The following LRRC49 variants were observed in gnomAD, a reference collection of about 807,000 sequenced individuals.
The protein encoded by LRRC49 is leucine-rich repeat-containing protein 49.
LRRC49 carries 50 observed loss-of-function variants against 83.3 expected under a neutral mutation model. The observed-to-expected ratio is 0.60, with a 90% CI of 0.48 to 0.76. The LOEUF (loss-of-function observed/expected upper bound fraction) is 0.76, where lower values mean the gene tolerates loss of function less well. LRRC49 is among the 30% of genes least tolerant of loss of function. The pLI is 0.00. For missense variants in LRRC49, 704 were observed against 809.1 expected, an observed-to-expected ratio of 0.87 and a Z score of 1.58; for synonymous variants, 286 against 283.3, an observed-to-expected ratio of 1.01 and a Z score of -0.10.
intron 3 of LRRC49, among the ~76,000 whole-genome samples, chr15:70,896,828 C>T (rs1366787127): frequency 6.6e-6 from 1 of 152,116 alleles, no homozygotes; most frequent in Admixed American, 6.5e-5. Flanking sequence ...TCTGGACCTA[C>T]TTCTTGGACC....
chr15:70,942,453 CA>C, intron 8 of LRRC49, among the ~76,000 whole-genome samples: 1 of 152,186 alleles, frequency 6.6e-6, no homozygotes. Context: ...AAAGAATATT[CA>C]GAAACAAAGT....
chr15:70,860,077 C>T (rs113785880), intron 1 of LRRC49: 96 of 729,714 alleles, frequency 1.3e-4, no homozygotes, highest in African/African-American at 1.1e-3. Flanking sequence ...TCAGCCGCAC[C>T]GGCTCCACCA....
intron 3 of LRRC49, among the ~76,000 whole-genome samples, chr15:70,898,090 G>T: frequency 6.6e-6 from 1 of 152,098 alleles, no homozygotes; most frequent in East Asian, 1.9e-4. Context: ...CCATCCACCT[G>T]TCTGTCCATC....
intron 11 of LRRC49, among the ~76,000 whole-genome samples, chr15:70,992,933 C>A (rs568780275): frequency 6.6e-6 from 1 of 152,196 alleles, no homozygotes; most frequent in African/African-American, 2.4e-5. Context: ...TTTAAGTCTG[C>A]AGAGGTTTCT....
intron 2 of LRRC49, among the ~76,000 whole-genome samples, chr15:70,895,310 TTATTA>T (rs749628591): frequency 6.6e-6 from 1 of 152,172 alleles, no homozygotes; most frequent in Non-Finnish European, 1.5e-5. Flanking sequence ...ATATACAATT[TTATTA>T]TATTATAATA....
At chr15:70,888,344 T>C (rs567503682), upstream of LRRC49, among the ~76,000 whole-genome samples, 6 of 152,276 alleles carry the variant, frequency 3.9e-5, no homozygotes, top group South Asian at 2.1e-4. Flanking sequence ...CAGAATAAAG[T>C]ATGTGGAAAC....
chr15:71,017,590 A>G (rs1329915059), intron 14 of LRRC49, among the ~76,000 whole-genome samples: 3 of 152,206 alleles, frequency 2.0e-5, no homozygotes, highest in Non-Finnish European at 4.4e-5. Context: ...AGAAATATGA[A>G]TAGCCAGAAA....
chr15:70,863,460 A>G (rs1021632881), intron 1 of LRRC49, among the ~76,000 whole-genome samples: 1 of 152,248 alleles, frequency 6.6e-6, no homozygotes, highest in African/African-American at 2.4e-5. Flanking sequence ...GTCTAATAGA[A>G]GACAGACAAA....
At chr15:70,970,414 A>G (rs1567076149) in intron 9 of LRRC49, among the ~76,000 whole-genome samples, 1 of 152,172 alleles carries the variant, frequency 6.6e-6, no homozygotes, top group Non-Finnish European at 1.5e-5. Context: ...ATTGATGTTC[A>G]TCAGGGATAC....
chr15:70,884,679 C>G (rs944631789), intron 2 of LRRC49, among the ~76,000 whole-genome samples: 8 of 152,040 alleles, frequency 5.3e-5, no homozygotes, highest in Non-Finnish European at 7.4e-5. Flanking sequence ...TACTTCTAAG[C>G]CAAGCATTGT....
intron 12 of LRRC49, among the ~76,000 whole-genome samples, chr15:71,008,910 C>T (rs1023755885): frequency 6.6e-6 from 1 of 151,738 alleles, no homozygotes; most frequent in Non-Finnish European, 1.5e-5. Flanking sequence ...TTCACCTTAC[C>T]ACATAGCCTT....
At chr15:70,973,392 G>A (rs1205615474) in intron 9 of LRRC49, among the ~76,000 whole-genome samples, 2 of 152,154 alleles carry the variant, frequency 1.3e-5, no homozygotes, top group African/African-American at 4.8e-5. Context: ...ATGCCAGTTG[G>A]AGCTCTCCTG....
upstream of LRRC49, chr15:70,892,542 C>T (rs1370392258): frequency 6.0e-6 from 9 of 1,509,240 alleles, no homozygotes; most frequent in Non-Finnish European, 7.9e-6. Flanking sequence ...GCGCGGGCAG[C>T]GCTGAGGTGG....
chr15:70,925,838 A>G (rs2035175988), intron 7 of LRRC49, among the ~76,000 whole-genome samples: 1 of 152,184 alleles, frequency 6.6e-6, no homozygotes, highest in African/African-American at 2.4e-5. Context: ...ATTTAGGTAC[A>G]ATAAAATACA....
rs750986316 is a variant in LRRC49 at position 70,919,112 on chromosome 15, CT to C, written c.635del (p.Leu212Ter). The C allele has an allele frequency of 6.2e-7, 1 of 1,612,090 alleles. No individual in the cohort carries two copies. The highest frequency in any genetic ancestry group is 8.5e-7 in the Non-Finnish European group (1 of 1,178,572). On this transcript the variant is annotated frameshift_variant, in exon 7 of 16. Coordinates refer to ENST00000260382, the MANE Select transcript of LRRC49 (RefSeq NM_017691.5). LOFTEE classifies it high-confidence loss of function. ...ELRVLNLARN[F>X]LSHVDNLNGL... ...TGAGAGTTTTAAATCTTGCCAGGAA[CT>C]TTTTAAGTCATGTTGATAATCTTAA...
chr15:70,862,793 C>T (rs1435136380), intron 1 of LRRC49, among the ~76,000 whole-genome samples: 2 of 152,132 alleles, frequency 1.3e-5, no homozygotes, highest in African/African-American at 4.8e-5. Flanking sequence ...AGTGGTTCAT[C>T]TGATCTCCAG....
At chr15:70,949,709 A>G (rs1198720200) in intron 8 of LRRC49, among the ~76,000 whole-genome samples, 1 of 152,208 alleles carries the variant, frequency 6.6e-6, no homozygotes, top group Non-Finnish European at 1.5e-5. Flanking sequence ...ATACCTACAC[A>G]TCACTTCATT....
At position 70,994,167 on chromosome 15, in the gene LRRC49, A is replaced by T. The variant is rs535070498; in HGVS notation, c.1169+9910A>T. Among the ~76,000 whole-genome samples the T allele has an allele frequency of 2.0e-5, 3 of 152,280 alleles. No homozygotes were observed. The East Asian group carries it at 5.8e-4, about 29-fold the overall frequency. Reference sequence around the variant, plus strand: ...TGGCCTCAAACTTATTTTTATACACAATGTTAGATAAGGGTCTAACTTGAT... The same window carrying T: ...TGGCCTCAAACTTATTTTTATACACTATGTTAGATAAGGGTCTAACTTGAT... On this transcript the variant is annotated intron_variant, in intron 11 of 15. Coordinates refer to ENST00000260382, the MANE Select transcript of LRRC49 (RefSeq NM_017691.5).
At chr15:70,973,592 TTCC>T (rs896980480) in intron 9 of LRRC49, among the ~76,000 whole-genome samples, 1 of 152,202 alleles carries the variant, frequency 6.6e-6, no homozygotes, top group Non-Finnish European at 1.5e-5. Flanking sequence ...CAACCGCCAC[TTCC>T]CCCAGGTGCT....
Sources: gnomAD v4.1 joint callset for allele counts (sites outside exome capture counted in the v4.1 genomes callset) on GRCh38, gnomAD v4.1.1 for gene constraint, MANE v1.5 for transcripts, NCBI Gene and HGNC (gene_info 2026-07-23, HGNC 2026-07-21) for gene names.